ATE1: variants seen among roughly 807,000 people sequenced by gnomAD.
The protein encoded by ATE1 is arginyl-tRNA--protein transferase 1.
A neutral mutation model predicts 70.5 loss-of-function variants in ATE1; 36 were observed. The ratio of observed to expected loss-of-function variants is 0.51; its 90% CI spans 0.39 to 0.67. The LOEUF is 0.67. ATE1 is among the 30% of genes least tolerant of loss of function. ATE1 has a pLI of 0.00. For synonymous variants in ATE1, 232 were observed against 219.3 expected (o/e 1.06, Z -0.51); for missense variants, 593 against 629.5 (o/e 0.94, Z 0.62).
At chr10:121,888,039 CATA>C (rs925806135) in intron 7 of ATE1, among the ~76,000 whole-genome samples, 6 of 152,094 alleles carry the variant, frequency 3.9e-5, no homozygotes, top group African/African-American at 1.4e-4. Flanking sequence ...GAAATATTAT[CATA>C]ATAAGGGTAT....
chr10:121,836,661 T>G, intron 10 of ATE1, 57 bp downstream of exon 10: 6 of 1,178,894 alleles, frequency 5.1e-6, no homozygotes, highest in Non-Finnish European at 7.2e-6. Flanking sequence ...GATAAAAATT[T>G]TATGAGAGAT....
intron 10 of ATE1, among the ~76,000 whole-genome samples, chr10:121,796,907 C>T (rs1398037589): frequency 1.3e-5 from 2 of 152,182 alleles, no homozygotes; most frequent in Admixed American, 1.3e-4. Flanking sequence ...AGAGCATTAT[C>T]ATATTGATCC....
At chr10:121,833,501 A>C (rs1948324382) in intron 10 of ATE1, among the ~76,000 whole-genome samples, 1 of 152,200 alleles carries the variant, frequency 6.6e-6, no homozygotes, top group South Asian at 2.1e-4. Context: ...GAGATAGACT[A>C]GTTCTGGGAA....
At chr10:121,818,156 C>T (rs761741752) in intron 10 of ATE1, among the ~76,000 whole-genome samples, 85 of 141,618 alleles carry the variant, frequency 6.0e-4, no homozygotes, top group Non-Finnish European at 1.0e-3. Flanking sequence ...CCCAGCTACT[C>T]AGGAGGCTGA....
Position 121,741,386 on chromosome 10 carries a change from G to A in ATE1, c.*2294C>T, listed in dbSNP as rs1406415498. On this transcript the variant is annotated 3_prime_UTR_variant, in exon 12 of 12. Coordinates refer to ENST00000224652, the MANE Select transcript of ATE1 (RefSeq NM_001001976.3). ...AAGTAGAAGGATCTCCAATGCTCAAGTCACTCTGAGTCTTTGCTGGTGTCA... is the reference window on the plus strand; with the variant it reads ...AAGTAGAAGGATCTCCAATGCTCAAATCACTCTGAGTCTTTGCTGGTGTCA... 6.6e-6 allele frequency: 1 copy of A among 152,218 alleles called. No individual in the cohort carries two copies. The highest frequency in any genetic ancestry group is 1.9e-4 in the East Asian group (1 of 5,192). The allele number at this position is 152,218 out of a possible 1,614,324, so 9.4% of individuals were successfully genotyped here.
At chr10:121,836,458 A>T (rs1948436546) in intron 10 of ATE1, among the ~76,000 whole-genome samples, 1 of 152,240 alleles carries the variant, frequency 6.6e-6, no homozygotes, top group Non-Finnish European at 1.5e-5. Flanking sequence ...AAAGAGTTTC[A>T]TTAACGAGAG....
chr10:121,916,439 G>A (rs927654224), intron 3 of ATE1, among the ~76,000 whole-genome samples: 4 of 151,996 alleles, frequency 2.6e-5, no homozygotes, highest in African/African-American at 7.2e-5. Context: ...AGACACACAA[G>A]GTCTCAAAAA....
At chr10:121,836,161 CTTCCT>C (rs1470015241) in intron 10 of ATE1, among the ~76,000 whole-genome samples, 1 of 152,148 alleles carries the variant, frequency 6.6e-6, no homozygotes, top group Non-Finnish European at 1.5e-5. Flanking sequence ...TGAGCTACTC[CTTCCT>C]TTCCTCTTCC....
intron 10 of ATE1, among the ~76,000 whole-genome samples, chr10:121,797,784 T>G (rs1038601636): frequency 6.6e-6 from 1 of 152,210 alleles, no homozygotes; most frequent in Admixed American, 6.5e-5. Flanking sequence ...GACTGTTCTC[T>G]CTTCTGGTCA....
intron 11 of ATE1, among the ~76,000 whole-genome samples, chr10:121,784,895 G>A (rs1313864349): frequency 6.6e-6 from 1 of 152,058 alleles, no homozygotes; most frequent in Non-Finnish European, 1.5e-5. Flanking sequence ...ACAATAGAGT[G>A]ATATTTTTAA....
chr10:121,899,018 G>T (rs1225494471), intron 7 of ATE1: 2 of 1,594,176 alleles, frequency 1.3e-6, no homozygotes, highest in Admixed American at 1.7e-5. Flanking sequence ...CATCTCTGAT[G>T]ATATGCTTCT....
chr10:121,861,323 T>G (rs1031604855), intron 8 of ATE1, among the ~76,000 whole-genome samples: 7 of 152,124 alleles, frequency 4.6e-5, no homozygotes, highest in African/African-American at 1.4e-4. Flanking sequence ...ATGTACTTTA[T>G]TCTCAGAAAT....
At chr10:121,826,830 T>C (rs1948038626) in intron 10 of ATE1, among the ~76,000 whole-genome samples, 1 of 152,192 alleles carries the variant, frequency 6.6e-6, no homozygotes, top group East Asian at 1.9e-4. Context: ...TTCATGTGTA[T>C]CTAATGTCTA....
intron 10 of ATE1, among the ~76,000 whole-genome samples, chr10:121,817,279 G>A (rs1379834090): frequency 2.0e-5 from 3 of 152,206 alleles, no homozygotes; most frequent in Admixed American, 6.5e-5. Flanking sequence ...AGCGGCTCAC[G>A]CCTGTAATCC....
At chr10:121,744,130 C>T (rs1944250571) in intron 11 of ATE1, among the ~76,000 whole-genome samples, 1 of 151,738 alleles carries the variant, frequency 6.6e-6, no homozygotes, top group Non-Finnish European at 1.5e-5. Flanking sequence ...ACCATGTTGG[C>T]CAGGCTGTCT....
At chr10:121,880,061 A>G (rs112143960) in intron 7 of ATE1, among the ~76,000 whole-genome samples, 4 of 152,254 alleles carry the variant, frequency 2.6e-5, no homozygotes, top group African/African-American at 9.6e-5. Flanking sequence ...CAAAATTAGC[A>G]GGAAACCACA....
intron 10 of ATE1, among the ~76,000 whole-genome samples, chr10:121,803,914 C>A (rs564503038): frequency 6.6e-6 from 1 of 152,114 alleles, no homozygotes; most frequent in Non-Finnish European, 1.5e-5. Flanking sequence ...GACTTAAATG[C>A]TTCAAGTTTA....
At chr10:121,799,101 C>G (rs1033777700) in intron 10 of ATE1, among the ~76,000 whole-genome samples, 1 of 152,080 alleles carries the variant, frequency 6.6e-6, no homozygotes, top group Non-Finnish European at 1.5e-5. Context: ...AATCACAACT[C>G]AGTTCAATAT....
intron 8 of ATE1, among the ~76,000 whole-genome samples, chr10:121,868,803 T>C (rs1431314457): frequency 6.6e-6 from 1 of 152,210 alleles, no homozygotes; most frequent in African/African-American, 2.4e-5. Flanking sequence ...GACTACCCTC[T>C]CTGGTCTGGT....
Sources: allele counts gnomAD v4.1 joint callset (sites outside exome capture counted in the v4.1 genomes callset), GRCh38; gene constraint gnomAD v4.1.1; transcripts MANE v1.5; gene names NCBI Gene and HGNC (gene_info 2026-07-23, HGNC 2026-07-21).